The following PARP4 variants were observed in gnomAD, a reference collection of about 807,000 sequenced individuals.
The protein encoded by PARP4 is poly(ADP-ribose) polymerase family member 4.
In PARP4, 120 loss-of-function variants were observed where a neutral mutation model predicts 187.7. The observed-to-expected ratio is 0.64, with a 90% CI of 0.55 to 0.74. The LOEUF is 0.74. PARP4 is among the 30% of genes least tolerant of loss of function. The probability of loss-of-function intolerance (pLI) is 0.00; values close to 1 mark genes in which losing one functional copy is unlikely to be tolerated. For missense variants in PARP4, 1,836 were observed against 2,070.5 expected (o/e 0.89, Z 2.20); for synonymous variants, 654 against 740.9 (o/e 0.88, Z 1.90).
chr13:24,426,717 A>AG (rs1870068850), intron 32 of PARP4, 119 bp from the exon 33 acceptor site: 1 of 793,088 alleles, frequency 1.3e-6, no homozygotes, highest in Non-Finnish European at 2.0e-6. Flanking sequence ...ATGAAACTCC[A>AG]TCTCTGCTAA....
At chr13:24,506,187 G>C (rs913631925) in intron 1 of PARP4, among the ~76,000 whole-genome samples, 1 of 151,624 alleles carries the variant, frequency 6.6e-6, no homozygotes, top group Non-Finnish European at 1.5e-5. Flanking sequence ...TGAAGCCGCA[G>C]ACCCTCGCAG....
chr13:24,444,397 A>G (rs1301096631), intron 27 of PARP4, among the ~76,000 whole-genome samples: 1 of 152,304 alleles, frequency 6.6e-6, no homozygotes, highest in East Asian at 1.9e-4. Flanking sequence ...TAATTTTTAA[A>G]GCAATATTGA....
intron 15 of PARP4, among the ~76,000 whole-genome samples, chr13:24,473,816 C>G (rs1566008343): frequency 6.6e-6 from 1 of 152,038 alleles, no homozygotes; most frequent in Non-Finnish European, 1.5e-5. Flanking sequence ...TTCATGAGAC[C>G]CACCAGCCTC....
At chr13:24,500,285 G>A (rs1384577338) in intron 4 of PARP4, 31 bp downstream of exon 4, 1 of 1,341,910 alleles carries the variant, frequency 7.5e-7, no homozygotes, top group Non-Finnish European at 1.0e-6. Flanking sequence ...AAACTCTGTA[G>A]AGTCCCAGGA....
chr13:24,448,914 A>C (rs1234667907), intron 25 of PARP4, among the ~76,000 whole-genome samples: 1 of 152,228 alleles, frequency 6.6e-6, no homozygotes, highest in Non-Finnish European at 1.5e-5. Flanking sequence ...TACTCAGAAA[A>C]GGCAAAGTCA....
chr13:24,450,385 TG>T (rs1871445856), intron 24 of PARP4, among the ~76,000 whole-genome samples: 1 of 150,678 alleles, frequency 6.6e-6, no homozygotes, highest in South Asian at 2.1e-4. Flanking sequence ...GAATTCCTCC[TG>T]AAATATTAAA....
In PARP4 at chr13:24,491,655, G is replaced by C. The variant is rs114860754; in HGVS notation, c.1053+766C>G. Among the ~76,000 whole-genome samples the C allele has an allele frequency of 3.8e-3, 586 of 152,276 alleles. 4 individuals are homozygous for C. Among genetic ancestry groups the C allele is most frequent in the African/African-American group, 0.013 (540 of 41,548 alleles). The stretch of plus-strand genomic sequence containing the variant: ...CTGCATGCACAGATGAGGGAACACG[G>C]ACCAAGAGAGTGACTTCAGCCTAGT... On this transcript the variant is annotated intron_variant, in intron 9 of 33. Transcript: ENST00000381989.
intron 1 of PARP4, among the ~76,000 whole-genome samples, chr13:24,504,076 T>C (rs1420036813): frequency 1.3e-5 from 2 of 152,158 alleles, no homozygotes; most frequent in African/African-American, 4.8e-5. Flanking sequence ...ATCAAGTGTG[T>C]GACTCCAGAA....
intron 6 of PARP4, among the ~76,000 whole-genome samples, chr13:24,496,827 A>G (rs1163048140): frequency 3.3e-5 from 5 of 152,216 alleles, no homozygotes; most frequent in African/African-American, 1.2e-4. Context: ...GTTCGAGACC[A>G]GCCTGGCCAA....
At chr13:24,502,335 A>G (rs1347056613) in intron 2 of PARP4, among the ~76,000 whole-genome samples, 1 of 152,162 alleles carries the variant, frequency 6.6e-6, no homozygotes, top group Non-Finnish European at 1.5e-5. Flanking sequence ...GCCCGCTTAT[A>G]ATTTTATTTA....
chr13:24,465,546 T>C (rs1872419366), intron 17 of PARP4, among the ~76,000 whole-genome samples: 1 of 152,134 alleles, frequency 6.6e-6, no homozygotes, highest in Non-Finnish European at 1.5e-5. Flanking sequence ...AGGATGTTCT[T>C]ACTTACACGT....
At chr13:24,464,967 A>G (rs1288319102) in intron 17 of PARP4, among the ~76,000 whole-genome samples, 1 of 152,198 alleles carries the variant, frequency 6.6e-6, no homozygotes, top group Non-Finnish European at 1.5e-5. Context: ...ACCCCATTAA[A>G]AAGTGGGCAA....
chr13:24,421,197 G>A lies in PARP4; in HGVS notation c.5097C>T (p.Ala1699=). 6.9e-7 allele frequency: 1 copy of A among 1,443,394 alleles called. No homozygotes were observed. Among genetic ancestry groups the A allele is most frequent in the East Asian group, 2.5e-5 (1 of 40,566 alleles). 89.4% of individuals were successfully genotyped at this position (1,443,394 alleles called of 1,614,324 possible). ...GCTGGAGTCCCAGCAACTGCTTGGT[G>A]GCAGAGTCCCAGTCGTTCCCCAGTT... ...RLELGNDWDS[A]TKQLLGLQPI... is the part of the protein sequence containing the mutation. The change falls in exon 34 of 34, where the codon GCC becomes GCT. Residue 1699 remains alanine (A), a synonymous_variant. Coordinates refer to ENST00000381989, the MANE Select transcript of PARP4 (RefSeq NM_006437.4).
rs780340102 is a variant in PARP4, at chr13:24,426,420, T to C, written c.4979+46A>G. ...CTGTTTCTAAGGTTTATTAAATAAA[T>C]AGTTGAAAATATAAATAAGTTGCAT... is the stretch of plus-strand genomic sequence containing the variant. On this transcript the variant is annotated intron_variant, in intron 33 of 33. Transcript: ENST00000381989. 9.3e-6 allele frequency: 13 copies of C among 1,403,104 alleles called. No homozygotes were observed. The East Asian group carries it at 2.1e-4, about 22-fold the overall frequency. 86.9% of individuals were successfully genotyped at this position (1,403,104 alleles called of 1,614,324 possible). A position where few individuals can be genotyped will look rare whatever the true frequency, so the allele number is the denominator to read the frequency against.
Position 24,459,134 on chromosome 13 carries a change from G to A in PARP4, c.2346-12C>T, listed in dbSNP as rs1872051112. 1.9e-6 allele frequency: 3 copies of A among 1,596,704 alleles called. No individual in the cohort carries two copies. Among genetic ancestry groups the A allele is most frequent in the Non-Finnish European group, 1.7e-6 (2 of 1,168,780 alleles). Reference sequence around the variant, plus strand: ...TAGTCAAAGAGAAGCTAGCAAAAATGAAGAGAAAGTTGTCTTAGTCTACGA... The same window carrying A: ...TAGTCAAAGAGAAGCTAGCAAAAATAAAGAGAAAGTTGTCTTAGTCTACGA... On this transcript the variant is annotated splice_polypyrimidine_tract_variant and intron_variant, in intron 19 of 33. Transcript: ENST00000381989.
At chr13:24,449,359 G>A (rs1302062496) in intron 25 of PARP4, among the ~76,000 whole-genome samples, 5 of 132,846 alleles carry the variant, frequency 3.8e-5, no homozygotes, top group African/African-American at 1.4e-4. Context: ...CTGCACTCCA[G>A]CCTGGGCGAC....
chr13:24,456,414 G>GA lies in PARP4; in HGVS notation c.2488dup (p.Ser830PhefsTer17). ...GGCAGCAGACAAACCGATGTGGAGA[G>GA]AAAATCCACTGCTGTCTAAGGAGCT... is the stretch of plus-strand genomic sequence containing the variant. On this transcript the variant is annotated frameshift_variant, in exon 21 of 34. Transcript: ENST00000381989. LOFTEE classifies it high-confidence loss of function. 1 of 1,612,180 alleles carries GA rather than the reference G, an allele frequency of 6.2e-7. No individual in the cohort carries two copies. Among genetic ancestry groups the GA allele is most frequent in the Non-Finnish European group, 8.5e-7 (1 of 1,178,700 alleles).
At chr13:24,457,160 A>G (rs541811004) in intron 20 of PARP4, among the ~76,000 whole-genome samples, 2 of 152,286 alleles carry the variant, frequency 1.3e-5, no homozygotes, top group South Asian at 4.2e-4. Context: ...AAATCTTAGA[A>G]TCATAACTTA....
chr13:24,440,584 T>C (rs907827158), intron 30 of PARP4, among the ~76,000 whole-genome samples: 7 of 152,144 alleles, frequency 4.6e-5, no homozygotes, highest in Non-Finnish European at 1.0e-4. Flanking sequence ...CGTGTTGGAA[T>C]GGTCTTAGAA....
Sources: gnomAD v4.1 joint callset for allele counts (sites outside exome capture counted in the v4.1 genomes callset) on GRCh38, gnomAD v4.1.1 for gene constraint, MANE v1.5 for transcripts, NCBI Gene and HGNC (gene_info 2026-07-23, HGNC 2026-07-21) for gene names.